MEGF10: variants seen among roughly 807,000 people sequenced by gnomAD.
The protein encoded by MEGF10 is multiple EGF like domains 10.
Under a neutral mutation model 147.5 loss-of-function variants are expected in MEGF10, and 86 were observed. The ratio of observed to expected loss-of-function variants is 0.58; its 90% CI spans 0.49 to 0.70. The LOEUF is 0.70. Among genes scored for constraint, MEGF10 ranks in the 30% least tolerant of loss-of-function variants. The pLI, the probability that MEGF10 is intolerant of heterozygous loss-of-function variation, is 0.00. For missense variants in MEGF10, 1,329 were observed against 1,487.3 expected (o/e 0.89, Z 1.75); for synonymous variants, 478 against 525.5 (o/e 0.91, Z 1.24).
At chr5:127,387,942 A>C (rs1763494871) in intron 5 of MEGF10, among the ~76,000 whole-genome samples, 1 of 152,104 alleles carries the variant, frequency 6.6e-6, no homozygotes, top group Non-Finnish European at 1.5e-5. Context: ...TAGAATTTTG[A>C]TGATGATTTT....
intron 2 of MEGF10, among the ~76,000 whole-genome samples, chr5:127,334,027 A>G (rs1390159228): frequency 2.0e-5 from 3 of 152,192 alleles, no homozygotes; most frequent in African/African-American, 7.2e-5. Flanking sequence ...TTTCTGTTGT[A>G]AGGCTAGATA....
intron 1 of MEGF10, 110 bp from the exon 2 acceptor site, chr5:127,331,181 T>C: frequency 4.8e-6 from 3 of 619,566 alleles, no homozygotes; most frequent in Non-Finnish European, 8.7e-6. Flanking sequence ...TGGCTTGTTA[T>C]GCACATTTCA....
At chr5:127,240,466 CTA>C in the MEGF10 span, among the ~76,000 whole-genome samples, 1 of 152,196 alleles carries the variant, frequency 6.6e-6, no homozygotes, top group Admixed American at 6.6e-5. Flanking sequence ...ACATTTTTAA[CTA>C]TTTTTTTCAC....
At chr5:127,406,729 G>A (rs537441158) in intron 8 of MEGF10, among the ~76,000 whole-genome samples, 1 of 152,286 alleles carries the variant, frequency 6.6e-6, no homozygotes, top group East Asian at 1.9e-4. Context: ...CCAAATAAAA[G>A]GCTTTGGGGT....
chr5:127,241,014 A>G, the MEGF10 span, among the ~76,000 whole-genome samples: 5 of 152,112 alleles, frequency 3.3e-5, no homozygotes, highest in Non-Finnish European at 5.9e-5. Context: ...CCTTGTTTTT[A>G]TATATGTGGC....
At chr5:127,299,590 A>G (rs1759679259) in intron 1 of MEGF10, among the ~76,000 whole-genome samples, 2 of 152,270 alleles carry the variant, frequency 1.3e-5, no homozygotes, top group South Asian at 4.1e-4. Context: ...AAGGTCACAG[A>G]CTTTTTCCAC....
At chr5:127,374,642 AT>A (rs1394688514) in intron 5 of MEGF10, among the ~76,000 whole-genome samples, 1 of 152,160 alleles carries the variant, frequency 6.6e-6, no homozygotes, top group Non-Finnish European at 1.5e-5. Context: ...GTTATATTAA[AT>A]TTTTTTCAAA....
At chr5:127,247,321 A>AG in the MEGF10 span, among the ~76,000 whole-genome samples, 584 of 3,984 alleles carry the variant, frequency 0.15, 7 homozygotes, top group South Asian at 0.34. Flanking sequence ...AAAGAGAGAG[A>AG]AGAAGAAGAA....
chr5:127,427,030 A>G (rs1458905256), intron 13 of MEGF10, among the ~76,000 whole-genome samples: 1 of 152,252 alleles, frequency 6.6e-6, no homozygotes, highest in Non-Finnish European at 1.5e-5. Context: ...CAACTTTGAT[A>G]CAAATTTGGA....
At chr5:127,304,714 C>T (rs1019262441) in intron 1 of MEGF10, among the ~76,000 whole-genome samples, 14 of 152,116 alleles carry the variant, frequency 9.2e-5, no homozygotes, top group African/African-American at 3.4e-4. Flanking sequence ...TGGCTGGTCT[C>T]GAACTCATGA....
At chr5:127,261,224 T>C in the MEGF10 span, among the ~76,000 whole-genome samples, 2 of 152,170 alleles carry the variant, frequency 1.3e-5, no homozygotes, top group African/African-American at 4.8e-5. Context: ...AAGAAATCCC[T>C]TCTCATTAGA....
chr5:127,419,459 G>T (rs1465547901), intron 11 of MEGF10, among the ~76,000 whole-genome samples: 1 of 152,132 alleles, frequency 6.6e-6, no homozygotes, highest in African/African-American at 2.4e-5. Context: ...AGCTCCAAAA[G>T]TCTCTGTGTC....
At chr5:127,339,305 C>T (rs1414503615) in intron 3 of MEGF10, 84 bp downstream of exon 3, 8 of 929,744 alleles carry the variant, frequency 8.6e-6, no homozygotes, top group South Asian at 4.4e-5. Context: ...GCAGAAAGTG[C>T]ATCCATTCAT....
chr5:127,455,349 T>C (rs1398842964), intron 23 of MEGF10, 52 bp from the exon 24 acceptor site: 1 of 1,434,258 alleles, frequency 7.0e-7, no homozygotes, highest in Non-Finnish European at 9.7e-7. Flanking sequence ...CACCAAGAAA[T>C]GATGTTGCCA....
At chr5:127,387,679 G>A (rs956959477) in intron 5 of MEGF10, among the ~76,000 whole-genome samples, 1 of 152,224 alleles carries the variant, frequency 6.6e-6, no homozygotes, top group African/African-American at 2.4e-5. Context: ...CAAACGCCAA[G>A]TGGCTTTGAG....
At chr5:127,235,877 A>C in the MEGF10 span, among the ~76,000 whole-genome samples, 1 of 152,250 alleles carries the variant, frequency 6.6e-6, no homozygotes, top group African/African-American at 2.4e-5. Flanking sequence ...CTAAATAACA[A>C]TATACTAACA....
the MEGF10 span, among the ~76,000 whole-genome samples, chr5:127,240,084 C>T: frequency 6.6e-6 from 1 of 152,186 alleles, no homozygotes; most frequent in Non-Finnish European, 1.5e-5. Flanking sequence ...CTCACAGGCT[C>T]CTTTCCCTGG....
intron 12 of MEGF10, 61 bp downstream of exon 12, chr5:127,420,268 G>A (rs932922837): frequency 6.4e-7 from 1 of 1,555,588 alleles, no homozygotes; most frequent in East Asian, 2.3e-5. Context: ...TGTAAAGTTG[G>A]CTTCTTTTTG....
At chr5:127,417,915 A>C (rs1368600216) in intron 10 of MEGF10, 103 bp downstream of exon 10, 2 of 1,194,608 alleles carry the variant, frequency 1.7e-6, no homozygotes, top group Admixed American at 2.9e-5. Context: ...GAATGTGCTA[A>C]AGTCATCCAC....
Sources: allele counts gnomAD v4.1 joint callset (sites outside exome capture counted in the v4.1 genomes callset), GRCh38; gene constraint gnomAD v4.1.1; transcripts MANE v1.5; gene names NCBI Gene and HGNC (gene_info 2026-07-23, HGNC 2026-07-21).